Variants in LRMDA observed in about 807,000 individuals in gnomAD.
LRMDA encodes the protein leucine-rich melanocyte differentiation-associated protein.
In LRMDA, 18 loss-of-function variants were observed where a neutral mutation model predicts 29.8. That is an observed-to-expected ratio of 0.60 (90% CI 0.42 to 0.90). The LOEUF is 0.90. LRMDA is among the 40% of genes least tolerant of loss of function. LRMDA has a pLI of 0.00. For synonymous variants in LRMDA, 125 were observed against 109.4 expected (o/e 1.14, Z -0.89); for missense variants, 273 against 273.9 (o/e 1.00, Z 0.02).
chr10:75,455,056 T>C (rs1844499872), intron 2 of LRMDA, among the ~76,000 whole-genome samples: 1 of 152,164 alleles, frequency 6.6e-6, no homozygotes, highest in African/African-American at 2.4e-5. Flanking sequence ...GCCAGTAGGG[T>C]TACAGTGGTC....
intron 2 of LRMDA, among the ~76,000 whole-genome samples, chr10:75,455,846 C>G (rs1302479701): frequency 6.6e-6 from 1 of 152,180 alleles, no homozygotes; most frequent in Non-Finnish European, 1.5e-5. Flanking sequence ...GCAGGATTTT[C>G]CATGCTGCCT....
At chr10:75,749,536 G>A (rs559395723) in intron 2 of LRMDA, among the ~76,000 whole-genome samples, 1 of 151,546 alleles carries the variant, frequency 6.6e-6, no homozygotes, top group African/African-American at 2.4e-5. Context: ...TTTATTTTGT[G>A]TATTGGGCCT....
intron 2 of LRMDA, chr10:75,642,905 A>G (rs1841472584): frequency 6.6e-6 from 1 of 152,156 alleles, no homozygotes; most frequent in African/African-American, 2.4e-5. Flanking sequence ...TCATAAGCAC[A>G]TGTATTGTGT....
intron 5 of LRMDA, among the ~76,000 whole-genome samples, chr10:76,134,851 C>A (rs753818457): frequency 3.9e-5 from 6 of 152,060 alleles, no homozygotes; most frequent in Admixed American, 6.6e-5. Context: ...ATGAACATAC[C>A]TACTGAATGA....
intron 2 of LRMDA, among the ~76,000 whole-genome samples, chr10:75,728,788 C>A (rs1842660904): frequency 6.6e-6 from 1 of 151,846 alleles, no homozygotes; most frequent in African/African-American, 2.4e-5. Context: ...GAGAAAGGGA[C>A]TTAATGGGAT....
intron 6 of LRMDA, among the ~76,000 whole-genome samples, chr10:76,512,531 TAAA>T (rs1843019349): frequency 6.6e-6 from 1 of 152,156 alleles, no homozygotes; most frequent in South Asian, 2.1e-4. Context: ...CCTGTACTCA[TAAA>T]TAAAGTTTCA....
chr10:75,439,514 C>T (rs1844302807), intron 2 of LRMDA, among the ~76,000 whole-genome samples: 1 of 152,180 alleles, frequency 6.6e-6, no homozygotes, highest in Non-Finnish European at 1.5e-5. Flanking sequence ...ATGAACACAA[C>T]TCAGGGTAAT....
At chr10:76,239,872 GTTAA>G (rs1406608079) in intron 5 of LRMDA, among the ~76,000 whole-genome samples, 1 of 151,704 alleles carries the variant, frequency 6.6e-6, no homozygotes, top group Admixed American at 6.6e-5. Context: ...TGATGGGTGT[GTTAA>G]TTAATTTGAT....
chr10:76,340,179 A>C (rs10824405), intron 6 of LRMDA, among the ~76,000 whole-genome samples: 2 of 152,074 alleles, frequency 1.3e-5, no homozygotes, highest in Non-Finnish European at 2.9e-5. Context: ...GCATATTAAA[A>C]AAGAAAATGG....
chr10:76,504,320 G>A (rs1272819259), intron 6 of LRMDA, among the ~76,000 whole-genome samples: 1 of 151,960 alleles, frequency 6.6e-6, no homozygotes, highest in Non-Finnish European at 1.5e-5. Context: ...GTTGGGTATA[G>A]TATTCTTTAA....
intron 2 of LRMDA, among the ~76,000 whole-genome samples, chr10:75,886,932 T>G (rs1424305748): frequency 6.6e-6 from 1 of 152,204 alleles, no homozygotes; most frequent in African/African-American, 2.4e-5. Flanking sequence ...TACTTTATCC[T>G]GAAGTTTAAT....
At chr10:76,513,962 G>T (rs1299075720) in intron 6 of LRMDA, among the ~76,000 whole-genome samples, 1 of 152,046 alleles carries the variant, frequency 6.6e-6, no homozygotes, top group Non-Finnish European at 1.5e-5. Context: ...TATTGAATAG[G>T]ATTCTTTCCT....
chr10:76,290,020 T>G (rs564313248), intron 5 of LRMDA, among the ~76,000 whole-genome samples: 1 of 152,304 alleles, frequency 6.6e-6, no homozygotes, highest in South Asian at 2.1e-4. Flanking sequence ...TTCTTCAAAA[T>G]TTTTAGGACA....
At chr10:76,238,594 C>T (rs911781070) in intron 5 of LRMDA, among the ~76,000 whole-genome samples, 2 of 151,504 alleles carry the variant, frequency 1.3e-5, no homozygotes, top group African/African-American at 2.4e-5. Context: ...GGTAGAAACA[C>T]ATAAGGATAT....
At chr10:76,022,252 T>C (rs984330969) in intron 2 of LRMDA, among the ~76,000 whole-genome samples, 2 of 152,144 alleles carry the variant, frequency 1.3e-5, no homozygotes, top group Non-Finnish European at 2.9e-5. Flanking sequence ...GTCTAATCCA[T>C]AGGAGGCCTC....
intron 2 of LRMDA, among the ~76,000 whole-genome samples, chr10:75,822,929 T>C (rs1844186718): frequency 6.6e-6 from 1 of 152,164 alleles, no homozygotes; most frequent in African/African-American, 2.4e-5. Flanking sequence ...TGGAGAGCCA[T>C]ATGCAGAAGA....
At chr10:75,445,291 T>A (rs1038780846) in intron 2 of LRMDA, among the ~76,000 whole-genome samples, 5 of 152,004 alleles carry the variant, frequency 3.3e-5, no homozygotes, top group Admixed American at 2.6e-4. Context: ...GTTGGACATT[T>A]AGTTTGTTTT....
At position 76,019,137 on chromosome 10, in the gene LRMDA, G is replaced by A. The variant is rs147033277; in HGVS notation, c.132-16871G>A. Among the ~76,000 whole-genome samples the A allele has an allele frequency of 5.5e-3, 832 of 152,202 alleles. 8 individuals carry two copies. Among genetic ancestry groups the A allele is most frequent in the African/African-American group, 0.018 (767 of 41,540 alleles). ...AATTTTATGGTCATCTTACCCTCGG[G>A]CCGGGTGCAGCTCACTGTGGTGTTT... On this transcript the variant is annotated intron_variant, in intron 2 of 6. Transcript: ENST00000611255.
intron 2 of LRMDA, among the ~76,000 whole-genome samples, chr10:75,939,162 C>T (rs1029123209): frequency 6.6e-5 from 10 of 152,156 alleles, no homozygotes; most frequent in Non-Finnish European, 1.5e-4. Context: ...GAAGTGATAC[C>T]TTCCAGTGGT....
Sources: gnomAD v4.1 joint callset for allele counts (sites outside exome capture counted in the v4.1 genomes callset) on GRCh38, gnomAD v4.1.1 for gene constraint, MANE v1.5 for transcripts, NCBI Gene and HGNC (gene_info 2026-07-23, HGNC 2026-07-21) for gene names.